The following FSTL1 variants were observed in gnomAD, a reference collection of about 807,000 sequenced individuals.
FSTL1 encodes the protein follistatin-related protein 1.
A neutral mutation model predicts 45.9 loss-of-function variants in FSTL1; 24 were observed. That is an observed-to-expected ratio of 0.52 (90% confidence interval 0.38 to 0.74). FSTL1 has a LOEUF of 0.74. Ranked by LOEUF, FSTL1 falls within the 30% of genes least tolerant of loss-of-function variation. The pLI is 0.00. For synonymous variants in FSTL1, 120 were observed against 137.6 expected, an observed-to-expected ratio of 0.87 and a Z score of 0.89; for missense variants, 340 against 381.8, an observed-to-expected ratio of 0.89 and a Z score of 0.91.
At chr3:120,409,765 G>A in intron 5 of FSTL1, 103 bp from the exon 6 acceptor site, 1 of 1,031,222 alleles carries the variant, frequency 9.7e-7, no homozygotes, top group Non-Finnish European at 1.5e-6. Context: ...TTCTGCATAT[G>A]TCATCCCAGC....
chr3:120,446,901 G>A (rs1283082585), intron 2 of FSTL1, among the ~76,000 whole-genome samples: 1 of 152,098 alleles, frequency 6.6e-6, no homozygotes, highest in Non-Finnish European at 1.5e-5. Flanking sequence ...AAAGTTCATG[G>A]GTCAAGCATG....
chr3:120,405,872 A>G (rs1254640615), intron 6 of FSTL1, among the ~76,000 whole-genome samples: 5 of 152,178 alleles, frequency 3.3e-5, no homozygotes, highest in Non-Finnish European at 7.4e-5. Flanking sequence ...CTGCTCTCCT[A>G]ACAAATTTCA....
Position 120,402,866 on chromosome 3 carries a change from G to T in FSTL1, c.747C>A (p.Asp249Glu). The T allele has an allele frequency of 6.2e-7, 1 of 1,613,634 alleles. No homozygotes were observed. Among genetic ancestry groups the T allele is most frequent in the Non-Finnish European group, 8.5e-7 (1 of 1,179,616 alleles). Residue 249 changes from aspartate (D) to glutamate (E), a missense_variant, in exon 9 of 11, where the codon GAC becomes GAA. Transcript: ENST00000295633. ...CACAGGCACAGACACAGCGGTTACAGTCCACCTCGGTCTCAGCTCCATCTG... is the reference window on the plus strand; with the variant it reads ...CACAGGCACAGACACAGCGGTTACATTCCACCTCGGTCTCAGCTCCATCTG... ...TYADGAETEV[D>E]CNRCVCACGN...
At chr3:120,434,244 G>C (rs1401605049) in intron 2 of FSTL1, among the ~76,000 whole-genome samples, 4 of 152,204 alleles carry the variant, frequency 2.6e-5, no homozygotes, top group Admixed American at 2.0e-4. Flanking sequence ...GGTATGAACA[G>C]AGAAAGTGAA....
In FSTL1 at chr3:120,392,672, A is replaced by G. The variant is rs1025794391; in HGVS notation, c.*4280T>C. 1 of 152,234 alleles carries G rather than the reference A, an allele frequency of 6.6e-6. No individual in the cohort carries two copies. The highest frequency in any genetic ancestry group is 1.5e-5 in the Non-Finnish European group (1 of 68,044). The allele number at this position is 152,234 out of a possible 1,614,324, so 9.4% of individuals were successfully genotyped here. A position where few individuals can be genotyped will look rare whatever the true frequency, so the allele number is the denominator to read the frequency against. ...GGAAGACCCTCCTTCCTATTCATAC[A>G]GCAACATTTTACTTCCTATGTCACA... On this transcript the variant is annotated 3_prime_UTR_variant, in exon 11 of 11. Coordinates refer to ENST00000295633, the MANE Select transcript of FSTL1 (RefSeq NM_007085.5).
rs1200406528 is a variant in FSTL1, at chr3:120,395,544, T to C, written c.*1408A>G. ...AGAGTGGGGTGGTTCTCTTTCCCACTCTCTTCCTGCTTTACCCATGAGGAC... is the reference window on the plus strand; with the variant it reads ...AGAGTGGGGTGGTTCTCTTTCCCACCCTCTTCCTGCTTTACCCATGAGGAC... On this transcript the variant is annotated 3_prime_UTR_variant, in exon 11 of 11. Transcript: ENST00000295633. The C allele has an allele frequency of 4.5e-6, 2 of 441,804 alleles. No homozygotes were observed. Among genetic ancestry groups the C allele is most frequent in the Admixed American group, 6.2e-5 (2 of 32,030 alleles). 27.4% of individuals were successfully genotyped at this position (441,804 alleles called of 1,614,324 possible). A position where few individuals can be genotyped will look rare whatever the true frequency, so the allele number is the denominator to read the frequency against.
intron 2 of FSTL1, among the ~76,000 whole-genome samples, chr3:120,431,575 C>A (rs1465940340): frequency 2.0e-5 from 3 of 151,900 alleles, no homozygotes; most frequent in Non-Finnish European, 4.4e-5. Flanking sequence ...GTTATCCCAG[C>A]ACTTTGGGAG....
intron 2 of FSTL1, among the ~76,000 whole-genome samples, chr3:120,425,239 G>T (rs1163558306): frequency 6.6e-6 from 1 of 152,092 alleles, no homozygotes; most frequent in African/African-American, 2.4e-5. Flanking sequence ...CAGCAAAGCA[G>T]CCGAGAGTAG....
At position 120,395,711 on chromosome 3, in the gene FSTL1, C is replaced by G; in HGVS notation, c.*1241G>C. The G allele has an allele frequency of 1.9e-6, 1 of 534,672 alleles. No homozygotes were observed. The highest frequency in any genetic ancestry group is 3.8e-6 in the Non-Finnish European group (1 of 260,092). 33.1% of individuals were successfully genotyped at this position (534,672 alleles called of 1,614,324 possible). On this transcript the variant is annotated 3_prime_UTR_variant, in exon 11 of 11. Transcript: ENST00000295633. ...AGAAGGAAAAATCACAGGAACCTATCTCCCCTCTGGACCAATGATCAGAAC... is the reference window on the plus strand; with the variant it reads ...AGAAGGAAAAATCACAGGAACCTATGTCCCCTCTGGACCAATGATCAGAAC...
chr3:120,403,999 C>CA (rs199997156), intron 7 of FSTL1, among the ~76,000 whole-genome samples: 288 of 111,136 alleles, frequency 2.6e-3, no homozygotes, highest in African/African-American at 6.0e-3. Context: ...ACAAAACAAA[C>CA]AAAAAAAAAC....
chr3:120,431,139 T>C (rs1044368630), intron 2 of FSTL1, among the ~76,000 whole-genome samples: 3 of 152,094 alleles, frequency 2.0e-5, no homozygotes, highest in African/African-American at 7.2e-5. Context: ...GCCCGGACAA[T>C]TTTTGTGTTT....
chr3:120,413,997 G>A (rs1429010177), intron 3 of FSTL1, among the ~76,000 whole-genome samples: 4 of 151,864 alleles, frequency 2.6e-5, no homozygotes, highest in Admixed American at 6.6e-5. Flanking sequence ...TGGCCAGGCC[G>A]GTCTCCAGCC....
intron 10 of FSTL1, 139 bp downstream of exon 10, chr3:120,399,744 G>C: frequency 1.6e-6 from 1 of 631,434 alleles, no homozygotes; most frequent in Middle Eastern, 4.2e-4. Flanking sequence ...GATAGTACAG[G>C]TGATGGGGTA....
At chr3:120,448,609 T>C (rs1937811118) in intron 2 of FSTL1, among the ~76,000 whole-genome samples, 1 of 152,230 alleles carries the variant, frequency 6.6e-6, no homozygotes, top group Admixed American at 6.5e-5. Flanking sequence ...ACCATTTCCA[T>C]ACACTGTGAG....
chr3:120,409,407 A>G (rs1208734501), intron 6 of FSTL1, 125 bp downstream of exon 6: 1 of 842,868 alleles, frequency 1.2e-6, no homozygotes, highest in Non-Finnish European at 1.9e-6. Flanking sequence ...ATCTATGATG[A>G]GGAAACTCAG....
At position 120,427,725 on chromosome 3, in the gene FSTL1, G is replaced by A. The variant is rs138198473; in HGVS notation, c.64-11698C>T. ...GTGTTAATGAGGTAGAAGAGCAACG[G>A]AGGACGAAAATGGCTTTCAGTCATT... On this transcript the variant is annotated intron_variant, in intron 2 of 10. Coordinates refer to ENST00000295633, the MANE Select transcript of FSTL1 (RefSeq NM_007085.5). Among the ~76,000 whole-genome samples the A allele has an allele frequency of 5.8e-3, 888 of 152,324 alleles. 7 individuals are homozygous for A. Among genetic ancestry groups the A allele is most frequent in the African/African-American group, 0.02 (818 of 41,580 alleles).
intron 6 of FSTL1, 101 bp downstream of exon 6, chr3:120,409,431 G>T (rs1937007585): frequency 6.5e-6 from 7 of 1,077,322 alleles, no homozygotes; most frequent in Non-Finnish European, 8.3e-6. Flanking sequence ...GTCTGTGCAG[G>T]TTTACATTTC....
chr3:120,427,223 C>T (rs967178381), intron 2 of FSTL1, among the ~76,000 whole-genome samples: 3 of 152,190 alleles, frequency 2.0e-5, no homozygotes, highest in Non-Finnish European at 4.4e-5. Flanking sequence ...TCCTCAGTGA[C>T]CTTTTACTTT....
intron 2 of FSTL1, among the ~76,000 whole-genome samples, chr3:120,447,543 G>A (rs1212101879): frequency 1.3e-5 from 2 of 152,210 alleles, no homozygotes; most frequent in Non-Finnish European, 2.9e-5. Context: ...GTAAGAGAGT[G>A]AGCAGGTAAG....
Sources: gnomAD v4.1 joint callset for allele counts (sites outside exome capture counted in the v4.1 genomes callset) on GRCh38, gnomAD v4.1.1 for gene constraint, MANE v1.5 for transcripts, NCBI Gene and HGNC (gene_info 2026-07-23, HGNC 2026-07-21) for gene names.